The following ADAMTS18 variants were observed in gnomAD, a reference collection of about 807,000 sequenced individuals.
ADAMTS18 encodes the protein A disintegrin and metalloproteinase with thrombospondin motifs 18.
In ADAMTS18, 157 loss-of-function variants were observed where a neutral mutation model predicts 165.9. That is an observed-to-expected ratio of 0.95 (90% CI 0.83 to 1.08). The LOEUF is 1.08. Ranked by LOEUF, ADAMTS18 falls within the 50% of genes least tolerant of loss-of-function variation. The pLI is 0.00. For missense variants in ADAMTS18, 2,040 were observed against 1,534.0 expected (o/e 1.33, Z -5.51); for synonymous variants, 782 against 578.2 (o/e 1.35, Z -5.06).
At chr16:77,429,353 C>T (rs62043626) in intron 3 of ADAMTS18, among the ~76,000 whole-genome samples, 11,083 of 152,192 alleles carry the variant, frequency 0.073, 421 homozygotes, top group East Asian at 0.14. Flanking sequence ...TCAAATCCCA[C>T]GTTCTCACTT....
intron 10 of ADAMTS18, among the ~76,000 whole-genome samples, chr16:77,351,882 G>A (rs1022327234): frequency 7.9e-5 from 12 of 152,056 alleles, no homozygotes; most frequent in East Asian, 1.9e-4. Flanking sequence ...CTACAGGTAC[G>A]TGCCACTAGC....
chr16:77,346,169 C>T (rs1200454764), intron 10 of ADAMTS18, among the ~76,000 whole-genome samples: 1 of 152,190 alleles, frequency 6.6e-6, no homozygotes, highest in Non-Finnish European at 1.5e-5. Context: ...TTTAATCAGC[C>T]ACCAACCAGT....
At chr16:77,335,487 G>A (rs1320486687) in intron 12 of ADAMTS18, among the ~76,000 whole-genome samples, 2 of 151,630 alleles carry the variant, frequency 1.3e-5, no homozygotes, top group East Asian at 3.9e-4. Context: ...ACAGTGGAAT[G>A]GGCCTAATAA....
chr16:77,398,805 T>C (rs186577705), intron 3 of ADAMTS18, among the ~76,000 whole-genome samples: 28 of 152,224 alleles, frequency 1.8e-4, no homozygotes, highest in Admixed American at 1.3e-4. Context: ...ACAGCTACTG[T>C]TGTAGGTAGA....
intron 7 of ADAMTS18, among the ~76,000 whole-genome samples, chr16:77,360,352 G>A (rs543382619): frequency 1.3e-4 from 20 of 152,300 alleles, no homozygotes; most frequent in South Asian, 1.2e-3. Context: ...TCAGAGAGGT[G>A]AATTAACTTG....
At chr16:77,318,678 C>T (rs2055931312) in intron 16 of ADAMTS18, among the ~76,000 whole-genome samples, 1 of 152,154 alleles carries the variant, frequency 6.6e-6, no homozygotes, top group African/African-American at 2.4e-5. Flanking sequence ...ATCTCATACT[C>T]CTGGGTGGAA....
chr16:77,311,627 G>A (rs2055781837), intron 16 of ADAMTS18, among the ~76,000 whole-genome samples: 1 of 151,252 alleles, frequency 6.6e-6, no homozygotes, highest in African/African-American at 2.4e-5. Context: ...ACAATAAAGT[G>A]TAATTTAAAT....
intron 3 of ADAMTS18, among the ~76,000 whole-genome samples, chr16:77,393,549 G>A (rs1181121562): frequency 1.3e-5 from 2 of 152,164 alleles, no homozygotes; most frequent in South Asian, 2.1e-4. Context: ...CCAAAAGGCA[G>A]ATGGAAAGAT....
chr16:77,406,886 C>T (rs1161498625), intron 3 of ADAMTS18, among the ~76,000 whole-genome samples: 3 of 151,912 alleles, frequency 2.0e-5, no homozygotes, highest in African/African-American at 4.8e-5. Flanking sequence ...GGGAGCTAAA[C>T]ATTGGGTATA....
chr16:77,324,659 G>C (rs895874977), intron 13 of ADAMTS18, among the ~76,000 whole-genome samples: 2 of 152,142 alleles, frequency 1.3e-5, no homozygotes, highest in Non-Finnish European at 2.9e-5. Flanking sequence ...ACAATATGAA[G>C]GAAGAATATG....
At chr16:77,359,184 G>A in intron 8 of ADAMTS18, 134 bp downstream of exon 8, 1 of 823,780 alleles carries the variant, frequency 1.2e-6, no homozygotes. Context: ...CCTTTGTATA[G>A]TCAGAAACTA....
chr16:77,385,012 C>A (rs931725698), intron 3 of ADAMTS18, among the ~76,000 whole-genome samples: 2 of 151,628 alleles, frequency 1.3e-5, no homozygotes, highest in African/African-American at 2.4e-5. Flanking sequence ...CAGGTTCAAG[C>A]ATTCTCCTGC....
chr16:77,429,567 T>G (rs1780882980), intron 3 of ADAMTS18, among the ~76,000 whole-genome samples: 1 of 152,186 alleles, frequency 6.6e-6, no homozygotes. Context: ...AACCTTCACT[T>G]GTACCCCTGA....
intron 3 of ADAMTS18, among the ~76,000 whole-genome samples, chr16:77,392,504 C>G (rs1001151365): frequency 6.6e-5 from 10 of 152,276 alleles, no homozygotes; most frequent in African/African-American, 2.4e-4. Flanking sequence ...CCTGAACACC[C>G]TGTATGAAAT....
chr16:77,293,151 C>G lies in ADAMTS18; in HGVS notation c.3114G>C (p.Glu1038Asp). The G allele has an allele frequency of 6.2e-7, 1 of 1,614,048 alleles. No homozygotes were observed. The change falls in exon 20 of 23, where the codon GAG (glutamate) becomes GAC (aspartate). Residue 1038 changes from glutamate (E) to aspartate (D), a missense_variant. By Grantham distance (45) the Glu-to-Asp change is conservative. Coordinates refer to ENST00000282849, the MANE Select transcript of ADAMTS18 (RefSeq NM_199355.4). ...ESQCTSLPRP[E>D]LQEGCVLGRC... Reference sequence around the variant, plus strand: ...GTCCAAGCACACAGCCCTCCTGCAGCTCAGGTCTGGGGAGACTGGTACACT... The same window carrying G: ...GTCCAAGCACACAGCCCTCCTGCAGGTCAGGTCTGGGGAGACTGGTACACT...
Position 77,431,517 on chromosome 16 carries a change from C to G in ADAMTS18, c.273G>C (p.Gln91His). ...GGTAGTGCAGGGAGCTTCTGGCATT[C>G]TGCGCCGATCGCTTTTTCCTGCCGT... ...LHNGRKKRSA[Q>H]NARSSLHYRF... Residue 91 changes from glutamine to histidine, a missense_variant, in exon 3 of 23, where the codon CAG becomes CAC. Transcript: ENST00000282849. 1 of 1,614,182 alleles carries G rather than the reference C, an allele frequency of 6.2e-7. No individual in the cohort carries two copies. Among genetic ancestry groups the G allele is most frequent in the Middle Eastern group, 1.7e-4 (1 of 6,060 alleles).
At chr16:77,423,892 T>C (rs1017438670) in intron 3 of ADAMTS18, among the ~76,000 whole-genome samples, 5 of 152,242 alleles carry the variant, frequency 3.3e-5, no homozygotes, top group African/African-American at 9.6e-5. Context: ...ACAGGGATGG[T>C]AGCTGGTAAA....
At chr16:77,322,545 TA>T in intron 13 of ADAMTS18, 79 bp from the exon 14 acceptor site, 1 of 1,526,884 alleles carries the variant, frequency 6.5e-7, no homozygotes, top group Non-Finnish European at 9.0e-7. Flanking sequence ...AAGAATGAAT[TA>T]AATTTACTTA....
chr16:77,397,304 C>T (rs920652973), intron 3 of ADAMTS18, among the ~76,000 whole-genome samples: 1 of 152,080 alleles, frequency 6.6e-6, no homozygotes, highest in African/African-American at 2.4e-5. Flanking sequence ...GGGCAGAGTC[C>T]TCATTTTTCC....
Sources: allele counts gnomAD v4.1 joint callset (sites outside exome capture counted in the v4.1 genomes callset), GRCh38; gene constraint gnomAD v4.1.1; transcripts MANE v1.5; gene names NCBI Gene and HGNC (gene_info 2026-07-23, HGNC 2026-07-21).